The following RASAL2 variants were observed in gnomAD, a reference collection of about 807,000 sequenced individuals.
The protein encoded by RASAL2 is RAS protein activator like 2, also known as ras GTPase-activating protein nGAP.
RASAL2 carries 58 observed loss-of-function variants against 128.9 expected under a neutral mutation model. The observed-to-expected ratio is 0.45, with a 90% confidence interval of 0.36 to 0.56. RASAL2 has a LOEUF of 0.56. Ranked by LOEUF, RASAL2 falls within the 20% of genes least tolerant of loss-of-function variation. The pLI is 0.00. For missense variants in RASAL2, 1,360 were observed against 1,601.6 expected (o/e 0.85, Z 2.57); for synonymous variants, 561 against 580.8 (o/e 0.97, Z 0.49).
chr1:178,472,185 A>T (rs1008264048), intron 17 of RASAL2, among the ~76,000 whole-genome samples: 3 of 152,190 alleles, frequency 2.0e-5, no homozygotes, highest in Non-Finnish European at 2.9e-5. Flanking sequence ...TGATTTTATT[A>T]AAAAAATTTT....
At chr1:178,320,468 G>A (rs1221258696) in intron 3 of RASAL2, among the ~76,000 whole-genome samples, 4 of 152,116 alleles carry the variant, frequency 2.6e-5, no homozygotes, top group African/African-American at 4.8e-5. Context: ...AGGACCCTCC[G>A]AGCCAGGTGT....
At chr1:178,356,170 C>CAAAA (rs34590206) in intron 3 of RASAL2, among the ~76,000 whole-genome samples, 113 of 73,918 alleles carry the variant, frequency 1.5e-3, no homozygotes, top group African/African-American at 4.0e-3. Context: ...GACTCTGTCT[C>CAAAA]AAAAAAAAAA....
chr1:178,430,538 A>G (rs1465947455), intron 5 of RASAL2, among the ~76,000 whole-genome samples: 4 of 152,168 alleles, frequency 2.6e-5, no homozygotes, highest in Non-Finnish European at 4.4e-5. Context: ...AATGCATGTC[A>G]TATCACTGCA....
chr1:178,332,454 G>A (rs1170744999), intron 3 of RASAL2, among the ~76,000 whole-genome samples: 2 of 151,860 alleles, frequency 1.3e-5, no homozygotes, highest in Non-Finnish European at 2.9e-5. Flanking sequence ...GCAGTGAGCC[G>A]AGATTGCACC....
chr1:178,418,674 G>A (rs1010993622), intron 4 of RASAL2, among the ~76,000 whole-genome samples: 1 of 152,110 alleles, frequency 6.6e-6, no homozygotes, highest in Non-Finnish European at 1.5e-5. Flanking sequence ...AAATCACTTG[G>A]CTTGGTAAAA....
At chr1:178,459,146 C>G (rs1677994032) in intron 14 of RASAL2, among the ~76,000 whole-genome samples, 1 of 152,120 alleles carries the variant, frequency 6.6e-6, no homozygotes, top group Non-Finnish European at 1.5e-5. Context: ...CTGCAAATCC[C>G]TTACATTTCT....
intron 1 of RASAL2, among the ~76,000 whole-genome samples, chr1:178,102,380 G>A (rs1039073546): frequency 2.6e-5 from 4 of 151,824 alleles, no homozygotes; most frequent in Non-Finnish European, 4.4e-5. Context: ...GAGTGCAGTG[G>A]CGCAATCATA....
At chr1:178,135,496 TA>T (rs1207102103) in intron 1 of RASAL2, among the ~76,000 whole-genome samples, 14,137 of 116,100 alleles carry the variant, frequency 0.12, 935 homozygotes, top group African/African-American at 0.23. Context: ...TGTCTCTTCA[TA>T]AAAAAAAAAA....
intron 3 of RASAL2, among the ~76,000 whole-genome samples, chr1:178,324,167 C>A (rs1668920369): frequency 6.6e-6 from 1 of 152,162 alleles, no homozygotes; most frequent in African/African-American, 2.4e-5. Context: ...TTGAGCCAAA[C>A]TTCAGTTCGC....
chr1:178,205,947 T>G, intron 1 of RASAL2, among the ~76,000 whole-genome samples: 1 of 152,194 alleles, frequency 6.6e-6, no homozygotes, highest in East Asian at 1.9e-4. Flanking sequence ...CATTATTGAC[T>G]TCTATGTGAC....
intron 14 of RASAL2, 82 bp from the exon 15 acceptor site, chr1:178,464,196 T>C (rs1647406154): frequency 6.9e-7 from 1 of 1,458,576 alleles, no homozygotes; most frequent in Admixed American, 2.3e-5. Flanking sequence ...TCACAGTTAA[T>C]GTCTTCCAAG....
intron 1 of RASAL2, among the ~76,000 whole-genome samples, chr1:178,227,606 C>A (rs963883830): frequency 2.0e-5 from 3 of 152,038 alleles, no homozygotes; most frequent in African/African-American, 7.2e-5. Context: ...GTTGTTGTTC[C>A]TCTAGTCCTA....
At chr1:178,107,338 C>T (rs1040271994) in intron 1 of RASAL2, among the ~76,000 whole-genome samples, 1 of 152,030 alleles carries the variant, frequency 6.6e-6, no homozygotes, top group Non-Finnish European at 1.5e-5. Flanking sequence ...TATGTCTTAT[C>T]CTATCTTCTC....
chr1:178,213,194 C>T (rs1037285714), intron 1 of RASAL2, among the ~76,000 whole-genome samples: 3 of 152,052 alleles, frequency 2.0e-5, no homozygotes, highest in African/African-American at 4.8e-5. Context: ...TGCTACTGTG[C>T]CCAGTTCAAT....
chr1:178,240,093 T>C (rs1303617728), intron 1 of RASAL2, among the ~76,000 whole-genome samples: 1 of 152,084 alleles, frequency 6.6e-6, no homozygotes, highest in African/African-American at 2.4e-5. Flanking sequence ...CTTTTTGCCC[T>C]GTGATGTAAC....
At chr1:178,371,351 C>CACACACACACACACAA (rs1192709246) in intron 3 of RASAL2, among the ~76,000 whole-genome samples, 1 of 113,030 alleles carries the variant, frequency 8.8e-6, no homozygotes, top group East Asian at 2.3e-4. Flanking sequence ...CACACACACA[C>CACACACACACACACAA]AAATACACAC....
rs1210431278 is a variant in RASAL2 at position 178,174,446 on chromosome 1, A to G, written c.202+79752A>G. On this transcript the variant is annotated intron_variant, in intron 1 of 17. Transcript: ENST00000367649. Reference sequence around the variant, plus strand: ...AAAAAGCTTTCATCAACTTTTGCAGAAACAAATGCTGTACTTTTCTAACAC... The same window carrying G: ...AAAAAGCTTTCATCAACTTTTGCAGGAACAAATGCTGTACTTTTCTAACAC... Among the ~76,000 whole-genome samples, 4 of 152,236 alleles carry G rather than the reference A, an allele frequency of 2.6e-5. No homozygotes were observed. In the East Asian group the frequency reaches 7.7e-4, roughly 29 times the overall value.
chr1:178,464,831 G>GTTTTTTTTTTTTTTTTTTTTTTTT lies in RASAL2; in HGVS notation c.3387+421_3387+444dup, dbSNP rs986789340. On this transcript the variant is annotated intron_variant, in intron 15 of 17. Transcript: ENST00000367649. ...TAACAATTAGGTTTTGGTTTTAGTTGTTTTTTTTTTTTTTTTTTTTTTTTT... is the reference window on the plus strand; with the variant it reads ...TAACAATTAGGTTTTGGTTTTAGTTGTTTTTTTTTTTTTTTTTTTTTTTTTTTTTTTTTTTTTTTTTTTTTTTTT... 1.8e-3 allele frequency among the ~76,000 whole-genome samples: 69 copies of GTTTTTTTTTTTTTTTTTTTTTTTT among 38,200 alleles called. 7 individuals carry two copies. The highest frequency in any genetic ancestry group is 7.0e-3 in the African/African-American group (58 of 8,236). The allele number at this position is 38,200 out of a possible 152,430, so 25.1% of individuals were successfully genotyped here.
Position 178,217,266 on chromosome 1 carries a change from C to T in RASAL2, c.203-66298C>T, listed in dbSNP as rs6688882. On this transcript the variant is annotated intron_variant, in intron 1 of 17. Coordinates refer to ENST00000367649, the MANE Select transcript of RASAL2 (RefSeq NM_170692.4). ...CTGGGATTACAGGCATGAGCCACTG[C>T]GCCCAGCCAAGTAGACTTTATTTTT... Among the ~76,000 whole-genome samples, 825 of 152,308 alleles carry T rather than the reference C, an allele frequency of 5.4e-3. 15 individuals are homozygous for T. Among genetic ancestry groups the T allele is most frequent in the African/African-American group, 0.018 (741 of 41,574 alleles).
Sources: allele counts gnomAD v4.1 joint callset (sites outside exome capture counted in the v4.1 genomes callset), GRCh38; gene constraint gnomAD v4.1.1; transcripts MANE v1.5; gene names NCBI Gene and HGNC (gene_info 2026-07-23, HGNC 2026-07-21).